Variants in ACTR3C observed in about 807,000 individuals in gnomAD.
ACTR3C encodes actin-related protein 3C.
ACTR3C carries 18 observed loss-of-function variants against 26.3 expected under a neutral mutation model. The observed-to-expected ratio is 0.68, with a 90% confidence interval of 0.47 to 1.01. ACTR3C has a LOEUF of 1.01. ACTR3C is among the 50% of genes least tolerant of loss of function. The pLI is 0.00. For missense variants in ACTR3C, 184 were observed against 250.7 expected (o/e 0.73, Z 1.80); for synonymous variants, 55 against 94.5 (o/e 0.58, Z 2.42).
downstream of ACTR3C, among the ~76,000 whole-genome samples, chr7:150,239,530 C>CTATATA (rs1453473171): frequency 6.2e-4 from 76 of 122,486 alleles, no homozygotes; most frequent in Non-Finnish European, 1.0e-3. Context: ...CTCTCTCTCT[C>CTATATA]TCTCTCTCTC....
the ACTR3C span, among the ~76,000 whole-genome samples, chr7:150,167,476 A>C: frequency 6.6e-6 from 1 of 151,006 alleles, no homozygotes; most frequent in African/African-American, 2.5e-5. Context: ...ATAGAATGCG[A>C]CAGTTAATTC....
At chr7:150,038,626 G>C in the ACTR3C span, among the ~76,000 whole-genome samples, 1 of 145,332 alleles carries the variant, frequency 6.9e-6, no homozygotes. Context: ...TTCCCGAGCT[G>C]CGTTCGGACC....
At chr7:150,143,949 T>C in the ACTR3C span, among the ~76,000 whole-genome samples, 1 of 152,204 alleles carries the variant, frequency 6.6e-6, no homozygotes, top group Non-Finnish European at 1.5e-5. Context: ...CCAGGCTTCT[T>C]AGGGCCTCCG....
chr7:150,042,795 G>A, the ACTR3C span, among the ~76,000 whole-genome samples: 15 of 151,198 alleles, frequency 9.9e-5, no homozygotes, highest in East Asian at 9.8e-4. Flanking sequence ...GTAGGCTACC[G>A]GCCTCAGCCA....
chr7:150,243,183 A>G (rs1161143690), downstream of ACTR3C, among the ~76,000 whole-genome samples: 1 of 152,128 alleles, frequency 6.6e-6, no homozygotes. Flanking sequence ...CATATGGCCT[A>G]TTCTAAAGCC....
chr7:150,033,535 C>G, the ACTR3C span, among the ~76,000 whole-genome samples: 945 of 152,122 alleles, frequency 6.2e-3, 6 homozygotes, highest in African/African-American at 0.022. Context: ...TCTGAGGATC[C>G]ACAATGGGGG....
chr7:150,114,776 A>G, the ACTR3C span, among the ~76,000 whole-genome samples: 6 of 152,166 alleles, frequency 3.9e-5, no homozygotes, highest in Non-Finnish European at 8.8e-5. Context: ...ACCTGATCTT[A>G]TCAAAGACAT....
chr7:150,096,745 GA>G, the ACTR3C span, among the ~76,000 whole-genome samples: 1 of 151,916 alleles, frequency 6.6e-6, no homozygotes, highest in Non-Finnish European at 1.5e-5. Context: ...CTGCAAAAGG[GA>G]TAGAGCCTAT....
chr7:149,946,805 A>G, the ACTR3C span, among the ~76,000 whole-genome samples: 1 of 152,226 alleles, frequency 6.6e-6, no homozygotes, highest in Non-Finnish European at 1.5e-5. Context: ...AAGGCATCAG[A>G]ATCCCACTGT....
chr7:149,906,431 T>G, the ACTR3C span, among the ~76,000 whole-genome samples: 1 of 78,830 alleles, frequency 1.3e-5, no homozygotes, highest in Non-Finnish European at 3.1e-5. Context: ...TTTTTTTTTT[T>G]TTTTTTTTTT....
the ACTR3C span, among the ~76,000 whole-genome samples, chr7:150,173,087 G>A: frequency 1.3e-5 from 2 of 150,244 alleles, no homozygotes; most frequent in Admixed American, 6.6e-5. Context: ...AGGGTCTGGA[G>A]GACAGTGGCC....
intron 1 of ACTR3C, among the ~76,000 whole-genome samples, chr7:150,321,003 C>T (rs1329977658): frequency 6.6e-6 from 1 of 152,190 alleles, no homozygotes; most frequent in African/African-American, 2.4e-5. Flanking sequence ...TCCTCTCAGT[C>T]CTCGTTTTGA....
intron 1 of ACTR3C, among the ~76,000 whole-genome samples, chr7:150,298,904 A>G (rs529738235): frequency 1.3e-5 from 2 of 152,264 alleles, no homozygotes; most frequent in South Asian, 2.1e-4. Context: ...GTTAAGTGAA[A>G]AAGAGAAAGG....
At chr7:150,038,367 G>A in the ACTR3C span, among the ~76,000 whole-genome samples, 250 of 141,780 alleles carry the variant, frequency 1.8e-3, 2 homozygotes, top group African/African-American at 6.5e-3. Flanking sequence ...CGCATACAAT[G>A]GAAAAGGCTT....
the ACTR3C span, among the ~76,000 whole-genome samples, chr7:150,054,440 C>T: frequency 5.9e-5 from 9 of 152,338 alleles, no homozygotes; most frequent in African/African-American, 2.2e-4. Context: ...CTTGCATACC[C>T]TGGCTGGCTT....
chr7:150,036,986 G>A, the ACTR3C span, among the ~76,000 whole-genome samples: 2 of 66,216 alleles, frequency 3.0e-5, no homozygotes, highest in Admixed American at 1.5e-4. Context: ...GCCTCGCGGG[G>A]GGTGCCTCCG....
the ACTR3C span, among the ~76,000 whole-genome samples, chr7:150,197,901 C>T: frequency 2.0e-5 from 3 of 149,468 alleles, no homozygotes; most frequent in South Asian, 2.1e-4. Context: ...CCCTCTCATG[C>T]GGAGCCGAAG....
chr7:150,084,823 G>T, the ACTR3C span, among the ~76,000 whole-genome samples: 1 of 152,150 alleles, frequency 6.6e-6, no homozygotes. Context: ...GGGAGAATGG[G>T]TGTGGGAGGG....
chr7:150,152,802 T>A, the ACTR3C span, among the ~76,000 whole-genome samples: 1 of 152,182 alleles, frequency 6.6e-6, no homozygotes, highest in South Asian at 2.1e-4. Flanking sequence ...TATTGATTAT[T>A]GCCACAATTT....
Sources: gnomAD v4.1 joint callset for allele counts (sites outside exome capture counted in the v4.1 genomes callset) on GRCh38, gnomAD v4.1.1 for gene constraint, MANE v1.5 for transcripts, NCBI Gene and HGNC (gene_info 2026-07-23, HGNC 2026-07-21) for gene names.